PACSIN1: variants seen among roughly 807,000 people sequenced by gnomAD.
PACSIN1 encodes protein kinase C and casein kinase substrate in neurons 1, also known as protein kinase C and casein kinase substrate in neurons protein 1.
In PACSIN1, 15 loss-of-function variants were observed where a neutral mutation model predicts 59.5. The observed-to-expected ratio is 0.25, with a 90% CI of 0.17 to 0.39. The LOEUF (loss-of-function observed/expected upper bound fraction) is 0.39, where lower values mean the gene tolerates loss of function less well. Among genes scored for constraint, PACSIN1 ranks in the 10% least tolerant of loss-of-function variants. The pLI is 1.00. For synonymous variants in PACSIN1, 210 were observed against 220.6 expected (o/e 0.95, Z 0.42); for missense variants, 420 against 580.2 (o/e 0.72, Z 2.84).
At chr6:34,510,557 A>G (rs1001589661) in intron 1 of PACSIN1, among the ~76,000 whole-genome samples, 1 of 152,100 alleles carries the variant, frequency 6.6e-6, no homozygotes, top group Admixed American at 6.6e-5. Flanking sequence ...CCTCTAGGAC[A>G]TTTGCCCTTG....
At chr6:34,469,239 T>C (rs1460868287) in intron 1 of PACSIN1, among the ~76,000 whole-genome samples, 1 of 152,162 alleles carries the variant, frequency 6.6e-6, no homozygotes, top group African/African-American at 2.4e-5. Flanking sequence ...GAAAAATAGC[T>C]TTTATTATTT....
intron 1 of PACSIN1, among the ~76,000 whole-genome samples, chr6:34,473,677 C>G (rs1258530179): frequency 6.6e-6 from 1 of 152,172 alleles, no homozygotes; most frequent in Non-Finnish European, 1.5e-5. Context: ...GGCCACTCAA[C>G]CCCCTCCCTT....
At chr6:34,517,768 T>C (rs911855511) in intron 1 of PACSIN1, among the ~76,000 whole-genome samples, 3 of 152,214 alleles carry the variant, frequency 2.0e-5, no homozygotes, top group Non-Finnish European at 4.4e-5. Context: ...CTTGCTTTCC[T>C]TTACAGCCCT....
chr6:34,466,556 G>T lies in PACSIN1; in HGVS notation c.-64+286G>T, dbSNP rs553118487. On this transcript the variant is annotated intron_variant, in intron 1 of 9. Transcript: ENST00000244458. ...TACCCCAGGAAAAGCGCCGGAAATA[G>T]GTTCCTTGGGAAGCTGGGGCCTGGG... Among the ~76,000 whole-genome samples the T allele has an allele frequency of 7.0e-4, 107 of 152,336 alleles. 1 individual carries two copies. The South Asian group carries it at 0.021, about 30-fold the overall frequency.
At chr6:34,486,984 T>C (rs1359528687) in intron 1 of PACSIN1, among the ~76,000 whole-genome samples, 1 of 139,144 alleles carries the variant, frequency 7.2e-6, no homozygotes, top group Non-Finnish European at 1.5e-5. Context: ...GTGGGCAACA[T>C]GGCGAAACCC....
chr6:34,517,083 C>T (rs929330586), intron 1 of PACSIN1, among the ~76,000 whole-genome samples: 1 of 152,186 alleles, frequency 6.6e-6, no homozygotes, highest in African/African-American at 2.4e-5. Context: ...CCCCCAACGC[C>T]GTTCCTCCCT....
intron 1 of PACSIN1, among the ~76,000 whole-genome samples, chr6:34,495,235 G>A (rs1766931089): frequency 6.6e-6 from 1 of 152,190 alleles, no homozygotes; most frequent in African/African-American, 2.4e-5. Context: ...TTATTTAGAT[G>A]TGCAAAAGGA....
At position 34,521,992 on chromosome 6, in the gene PACSIN1, CT is replaced by C. The variant is rs1334942763; in HGVS notation, c.-63-4250del. On this transcript the variant is annotated intron_variant, in intron 1 of 9. Transcript: ENST00000244458. This position sits in a 1 kb window ranked among gnomAD's most constrained non-coding sequence, Gnocchi z 4.3. The stretch of plus-strand genomic sequence containing the variant: ...CAGGCCCCAGGGTCAAGTCCTTACT[CT>C]GCCACCTGTAGCTGCGCGATCTTGG... Among the ~76,000 whole-genome samples, 1 of 152,224 alleles carries C rather than the reference CT, an allele frequency of 6.6e-6. No homozygotes were observed. Among genetic ancestry groups the C allele is most frequent in the African/African-American group, 2.4e-5 (1 of 41,448 alleles).
chr6:34,532,622 A>G lies in PACSIN1; in HGVS notation c.*92A>G, dbSNP rs1016566112. 1.4e-6 allele frequency: 1 copy of G among 701,432 alleles called. No individual in the cohort carries two copies. 43.5% of individuals were successfully genotyped at this position (701,432 alleles called of 1,614,324 possible). A position where few individuals can be genotyped will look rare whatever the true frequency, so the allele number is the denominator to read the frequency against. On this transcript the variant is annotated 3_prime_UTR_variant, in exon 10 of 10. Transcript: ENST00000244458. This position sits in a 1 kb window ranked among gnomAD's most constrained non-coding sequence, Gnocchi z 5.2. ...CCTTCCCCTCGCCATAGAGTTCCAG[A>G]CATATTTTCCGATCAAGCTTTTATT...
At chr6:34,472,271 C>CAAAAAA (rs61560626) in intron 1 of PACSIN1, among the ~76,000 whole-genome samples, 41 of 78,274 alleles carry the variant, frequency 5.2e-4, no homozygotes, top group African/African-American at 6.0e-4. Context: ...GACTCTGTCT[C>CAAAAAA]AAAAAAAAAA....
At chr6:34,519,711 T>C (rs536260624) in intron 1 of PACSIN1, among the ~76,000 whole-genome samples, 43 of 152,228 alleles carry the variant, frequency 2.8e-4, no homozygotes, top group African/African-American at 1.0e-3. Flanking sequence ...GGTGCTATCA[T>C]GGGGGTAGGT....
At chr6:34,511,282 G>T (rs890468739) in intron 1 of PACSIN1, among the ~76,000 whole-genome samples, 1 of 152,174 alleles carries the variant, frequency 6.6e-6, no homozygotes, top group African/African-American at 2.4e-5. Flanking sequence ...TAACCTAGGA[G>T]TCTCACACTC....
Position 34,526,282 on chromosome 6 carries a change from T to G in PACSIN1, c.-24T>G. 1.2e-6 allele frequency: 2 copies of G among 1,608,136 alleles called. No individual in the cohort carries two copies. The highest frequency in any genetic ancestry group is 1.7e-6 in the Non-Finnish European group (2 of 1,177,376). On this transcript the variant is annotated 5_prime_UTR_variant, in exon 2 of 10. Coordinates refer to ENST00000244458, the MANE Select transcript of PACSIN1 (RefSeq NM_020804.5). ...AGCCTGCTAACCGCAGCTCCGCACT[T>G]GTCCATCCCCCTGCGGCTACACCAT...
chr6:34,530,478 C>T lies in PACSIN1; in HGVS notation c.928C>T (p.Pro310Ser). The change falls in exon 8 of 10, where the codon CCT becomes TCT. Residue 310 changes from proline (P) to serine (S), a missense_variant. By Grantham distance (74) the Pro-to-Ser change is moderately conservative. Coordinates refer to ENST00000244458, the MANE Select transcript of PACSIN1 (RefSeq NM_020804.5). This position sits in a 1 kb window ranked among gnomAD's most constrained non-coding sequence, Gnocchi z 4.4. ...CCACCAGGAGTGGAACCCAGACCTT[C>T]CTCACACCACCACCAAGAAGGAGAA... ...PQFEEWNPDL[P>S]HTTTKKEKQP... 1.2e-6 allele frequency: 2 copies of T among 1,603,572 alleles called. No homozygotes were observed. Among genetic ancestry groups the T allele is most frequent in the Non-Finnish European group, 8.5e-7 (1 of 1,175,066 alleles).
chr6:34,527,536 C>T, intron 3 of PACSIN1, 48 bp downstream of exon 3: 3 of 1,515,984 alleles, frequency 2.0e-6, no homozygotes, highest in East Asian at 2.5e-5. Flanking sequence ...CGTCACGAGC[C>T]CCCTAGGTCT....
At chr6:34,498,219 G>C (rs569046398) in intron 1 of PACSIN1, among the ~76,000 whole-genome samples, 270 of 152,084 alleles carry the variant, frequency 1.8e-3, no homozygotes, top group Non-Finnish European at 3.3e-3. Flanking sequence ...GCGCCGCCAC[G>C]CCTGGCTAAT....
In PACSIN1 at chr6:34,515,721, G is replaced by C. The variant is rs73746668; in HGVS notation, c.-63-10522G>C. On this transcript the variant is annotated intron_variant, in intron 1 of 9. Coordinates refer to ENST00000244458, the MANE Select transcript of PACSIN1 (RefSeq NM_020804.5). The surrounding 1 kb of genome is among the most constrained non-coding windows in gnomAD (Gnocchi z 4.4). ...CATGCCCATCCCCAGCAAGCCCAGG[G>C]TCTCCAAGTTGGGGTACCAGGGAGC... Among the ~76,000 whole-genome samples, 6,975 of 152,278 alleles carry C rather than the reference G, an allele frequency of 0.046. 515 individuals carry two copies. Among genetic ancestry groups the C allele is most frequent in the African/African-American group, 0.16 (6,518 of 41,534 alleles).
intron 1 of PACSIN1, among the ~76,000 whole-genome samples, chr6:34,505,618 T>A (rs1176309537): frequency 2.1e-5 from 3 of 142,880 alleles, no homozygotes; most frequent in Non-Finnish European, 3.0e-5. Context: ...TTTTTTTATC[T>A]CTTACCTCCA....
intron 1 of PACSIN1, among the ~76,000 whole-genome samples, chr6:34,511,461 C>G (rs781728547): frequency 1.3e-5 from 2 of 152,164 alleles, no homozygotes; most frequent in Non-Finnish European, 2.9e-5. Context: ...TATAATGGCT[C>G]TTTATGAAAA....
Sources: allele counts gnomAD v4.1 joint callset (sites outside exome capture counted in the v4.1 genomes callset), GRCh38; gene constraint gnomAD v4.1.1; non-coding constraint Gnocchi (gnomAD v3.1); transcripts MANE v1.5; gene names NCBI Gene and HGNC (gene_info 2026-07-23, HGNC 2026-07-21).